The following DOCK10 variants were observed in gnomAD, a reference collection of about 807,000 sequenced individuals.
DOCK10 encodes the protein dedicator of cytokinesis 10, also known as dedicator of cytokinesis protein 10.
A neutral mutation model predicts 280.1 loss-of-function variants in DOCK10; 145 were observed. The ratio of observed to expected loss-of-function variants is 0.52; its 90% CI spans 0.45 to 0.59. The LOEUF (loss-of-function observed/expected upper bound fraction) is 0.59, where lower values mean the gene tolerates loss of function less well. Ranked by LOEUF, DOCK10 falls within the 20% of genes least tolerant of loss-of-function variation. The pLI is 0.00. For synonymous variants in DOCK10, 915 were observed against 942.2 expected, an observed-to-expected ratio of 0.97 and a Z score of 0.53; for missense variants, 2,368 against 2,651.7, an observed-to-expected ratio of 0.89 and a Z score of 2.35.
At chr2:225,027,046 A>C (rs1254600962) in intron 1 of DOCK10, among the ~76,000 whole-genome samples, 2 of 152,174 alleles carry the variant, frequency 1.3e-5, no homozygotes, top group African/African-American at 4.8e-5. Context: ...CCGTACATAG[A>C]GCACGTGGTT....
intron 1 of DOCK10, among the ~76,000 whole-genome samples, chr2:224,971,319 G>C (rs766190969): frequency 2.4e-4 from 36 of 152,092 alleles, no homozygotes; most frequent in Non-Finnish European, 4.6e-4. Context: ...GGTTGCAAGA[G>C]GGGAGGGGAG....
chr2:225,031,855 A>T, intron 1 of DOCK10, among the ~76,000 whole-genome samples: 1 of 152,202 alleles, frequency 6.6e-6, no homozygotes, highest in Non-Finnish European at 1.5e-5. Context: ...AGGCTCGATA[A>T]GGTCAGAAGA....
At chr2:224,953,056 T>C (rs1006783555) in intron 1 of DOCK10, among the ~76,000 whole-genome samples, 1 of 111,342 alleles carries the variant, frequency 9.0e-6, no homozygotes, top group Admixed American at 9.2e-5. Context: ...AAAAGTACCA[T>C]TAGGAATTTA....
intron 3 of DOCK10, among the ~76,000 whole-genome samples, chr2:224,911,880 T>C (rs1365282832): frequency 3.9e-5 from 6 of 152,220 alleles, no homozygotes; most frequent in Non-Finnish European, 4.4e-5. Flanking sequence ...TGGACTATGT[T>C]TGCTGAATGT....
chr2:224,827,187 C>T (rs1380058184), intron 27 of DOCK10, among the ~76,000 whole-genome samples: 1 of 147,772 alleles, frequency 6.8e-6, no homozygotes, highest in Non-Finnish European at 1.5e-5. Context: ...CACTTCAACC[C>T]AGGAGGTGGA....
At chr2:224,823,474 T>C (rs1694641716) in intron 28 of DOCK10, 27 bp downstream of exon 28, 2 of 1,543,080 alleles carry the variant, frequency 1.3e-6, no homozygotes, top group Non-Finnish European at 1.7e-6. Context: ...GGGCCTTGAA[T>C]AGAACTGCGA....
At chr2:225,040,419 C>T (rs1690386956) in intron 1 of DOCK10, among the ~76,000 whole-genome samples, 1 of 151,988 alleles carries the variant, frequency 6.6e-6, no homozygotes, top group South Asian at 2.1e-4. Context: ...ACTGAATCTC[C>T]CCTCCCCCAC....
At chr2:224,955,730 A>C (rs1703999456) in intron 1 of DOCK10, among the ~76,000 whole-genome samples, 2 of 152,206 alleles carry the variant, frequency 1.3e-5, no homozygotes, top group Admixed American at 6.5e-5. Flanking sequence ...TCCTTTATTT[A>C]GTTGTGCACA....
At chr2:224,873,960 C>T (rs906515826) in intron 11 of DOCK10, 36 bp downstream of exon 11, 6 of 1,576,938 alleles carry the variant, frequency 3.8e-6, no homozygotes, top group African/African-American at 1.4e-5. Context: ...GTAATGTTGG[C>T]TTAATGGTAT....
intron 40 of DOCK10, 105 bp from the exon 41 acceptor site, chr2:224,800,368 G>T: frequency 1.7e-6 from 1 of 585,798 alleles, no homozygotes; most frequent in Non-Finnish European, 2.9e-6. Flanking sequence ...CTGGCATTTT[G>T]ATTAATAATT....
chr2:224,778,517 T>A, intron 50 of DOCK10: 1 of 553,924 alleles, frequency 1.8e-6, no homozygotes, highest in Non-Finnish European at 3.2e-6. Context: ...AAGAAACTCA[T>A]GAAATATCTT....
chr2:225,042,378 C>T lies in DOCK10; in HGVS notation c.-4G>A, dbSNP rs774192612. The T allele has an allele frequency of 3.3e-6, 4 of 1,228,700 alleles. No individual in the cohort carries two copies. Among genetic ancestry groups the T allele is most frequent in the Non-Finnish European group, 4.1e-6 (4 of 983,804 alleles). The allele number at this position is 1,228,700 out of a possible 1,614,324, so 76.1% of individuals were successfully genotyped here. A position where few individuals can be genotyped will look rare whatever the true frequency, so the allele number is the denominator to read the frequency against. On this transcript the variant is annotated 5_prime_UTR_variant, in exon 1 of 56. Coordinates refer to ENST00000258390, the MANE Select transcript of DOCK10 (RefSeq NM_014689.3). The surrounding 1 kb of genome is among the most constrained non-coding windows in gnomAD (Gnocchi z 5.1). Reference sequence around the variant, plus strand: ...TGCGGGTCCGCTCACCGGCCATCGCCGGTCACGCCAATCGCGCCGCGGGCC... The same window carrying T: ...TGCGGGTCCGCTCACCGGCCATCGCTGGTCACGCCAATCGCGCCGCGGGCC...
chr2:224,769,885 C>T (rs1264869977), intron 55 of DOCK10, among the ~76,000 whole-genome samples: 2 of 152,078 alleles, frequency 1.3e-5, no homozygotes, highest in Non-Finnish European at 2.9e-5. Context: ...CTAGGGATGG[C>T]GGAGGGTGGC....
At chr2:224,814,000 A>G (rs529468427) in intron 31 of DOCK10, among the ~76,000 whole-genome samples, 28 of 152,216 alleles carry the variant, frequency 1.8e-4, no homozygotes, top group Non-Finnish European at 3.7e-4. Context: ...ACATCATATA[A>G]AGTCAGTTAC....
intron 1 of DOCK10, among the ~76,000 whole-genome samples, chr2:224,996,072 T>G (rs1030704510): frequency 6.6e-6 from 1 of 152,234 alleles, no homozygotes; most frequent in Non-Finnish European, 1.5e-5. Context: ...GCCTAACCAT[T>G]GCTTATGCAA....
chr2:224,864,684 A>C lies in DOCK10; in HGVS notation c.1480-9T>G. The C allele has an allele frequency of 6.2e-7, 1 of 1,602,478 alleles. No homozygotes were observed. Among genetic ancestry groups the C allele is most frequent in the Non-Finnish European group, 8.5e-7 (1 of 1,176,864 alleles). On this transcript the variant is annotated splice_polypyrimidine_tract_variant and intron_variant, in intron 12 of 55. Coordinates refer to ENST00000258390, the MANE Select transcript of DOCK10 (RefSeq NM_014689.3). ...CTTACAGAAAATACAGCCTGTGTAC[A>C]AAGAAAGCAGCTAATAAGCATGGAA...
At chr2:225,005,563 G>T (rs1706542218) in intron 1 of DOCK10, among the ~76,000 whole-genome samples, 1 of 152,054 alleles carries the variant, frequency 6.6e-6, no homozygotes, top group Admixed American at 6.6e-5. Context: ...AACTAAAACT[G>T]TATTCTTTGA....
chr2:225,001,144 A>G (rs1033573719), intron 1 of DOCK10, among the ~76,000 whole-genome samples: 1 of 152,192 alleles, frequency 6.6e-6, no homozygotes, highest in African/African-American at 2.4e-5. Context: ...CTGGTTAGCT[A>G]CTAATAGTAG....
chr2:224,836,454 C>T (rs1695599750), intron 25 of DOCK10, among the ~76,000 whole-genome samples: 1 of 152,122 alleles, frequency 6.6e-6, no homozygotes, highest in Admixed American at 6.5e-5. Flanking sequence ...CATGCTTTGG[C>T]ATTTGGGAAG....
Sources: allele counts gnomAD v4.1 joint callset (sites outside exome capture counted in the v4.1 genomes callset), GRCh38; gene constraint gnomAD v4.1.1; non-coding constraint Gnocchi (gnomAD v3.1); transcripts MANE v1.5; gene names NCBI Gene and HGNC (gene_info 2026-07-23, HGNC 2026-07-21).